GTF2IRD1: variants seen among roughly 807,000 people sequenced by gnomAD.
The protein encoded by GTF2IRD1 is GTF2I repeat domain containing 1.
Under a neutral mutation model 113.2 loss-of-function variants are expected in GTF2IRD1, and 26 were observed. That is an observed-to-expected ratio of 0.23 (90% CI 0.17 to 0.32). The LOEUF (loss-of-function observed/expected upper bound fraction) is 0.32, where lower values mean the gene tolerates loss of function less well. Ranked by LOEUF, GTF2IRD1 falls within the 10% of genes least tolerant of loss-of-function variation. GTF2IRD1 has a pLI of 1.00. For missense variants in GTF2IRD1, 864 were observed against 1,280.8 expected (o/e 0.67, Z 4.97); for synonymous variants, 484 against 529.1 (o/e 0.91, Z 1.17).
intron 3 of GTF2IRD1, 52 bp from the exon 4 acceptor site, chr7:74,515,389 C>T (rs1339115855): frequency 3.9e-6 from 6 of 1,549,010 alleles, no homozygotes; most frequent in East Asian, 2.4e-5. Flanking sequence ...GCTCGAAGGC[C>T]GGGTGGTGAG....
intron 25 of GTF2IRD1, among the ~76,000 whole-genome samples, chr7:74,600,419 A>G (rs587770954): frequency 6.6e-6 from 1 of 152,160 alleles, no homozygotes; most frequent in Non-Finnish European, 1.5e-5. Flanking sequence ...ACCCTAAAAA[A>G]CAATATAGGC....
At chr7:74,492,263 C>T (rs558149852) in intron 1 of GTF2IRD1, among the ~76,000 whole-genome samples, 5 of 151,216 alleles carry the variant, frequency 3.3e-5, no homozygotes, top group South Asian at 2.1e-4. Flanking sequence ...CTCTGCCTCC[C>T]GGGTTCACGC....
At chr7:74,541,231 C>T (rs1798619352) in intron 14 of GTF2IRD1, among the ~76,000 whole-genome samples, 1 of 152,052 alleles carries the variant, frequency 6.6e-6, no homozygotes, top group South Asian at 2.1e-4. Context: ...TGGCTCACGC[C>T]TGTAATTCCA....
At chr7:74,529,668 C>T in intron 8 of GTF2IRD1, 66 bp from the exon 9 acceptor site, 3 of 1,429,804 alleles carry the variant, frequency 2.1e-6, no homozygotes, top group Admixed American at 3.7e-5. Flanking sequence ...GGGACCGCAG[C>T]TCCCGGGTCC....
At chr7:74,491,460 T>A (rs1795339769) in intron 1 of GTF2IRD1, among the ~76,000 whole-genome samples, 1 of 151,866 alleles carries the variant, frequency 6.6e-6, no homozygotes, top group African/African-American at 2.4e-5. Context: ...TTATTTCTTA[T>A]GATCTTCTCC....
chr7:74,528,996 T>C (rs782420480), intron 8 of GTF2IRD1, among the ~76,000 whole-genome samples: 2 of 150,468 alleles, frequency 1.3e-5, no homozygotes. Context: ...GATAGACGGA[T>C]GGATGGATGG....
intron 1 of GTF2IRD1, among the ~76,000 whole-genome samples, chr7:74,463,818 G>T (rs782077570): frequency 4.6e-5 from 7 of 151,970 alleles, no homozygotes; most frequent in Non-Finnish European, 8.8e-5. Context: ...CCGCCTCCCG[G>T]GTTCAGTTGA....
At chr7:74,454,213 C>A (rs1792789333) in intron 1 of GTF2IRD1, 37 bp downstream of exon 1, 1 of 151,498 alleles carries the variant, frequency 6.6e-6, no homozygotes, top group East Asian at 2.0e-4. Context: ...GCACCGAGGC[C>A]CTTCTCCCCT....
chr7:74,576,617 CTTTTTTTTTTTTTTTTTTTT>C (rs1165378230), intron 22 of GTF2IRD1, among the ~76,000 whole-genome samples: 5 of 49,350 alleles, frequency 1.0e-4, no homozygotes, highest in Non-Finnish European at 1.4e-4. Flanking sequence ...ATTTCCTTGT[CTTTTTTTTTTTTTTTTTTTT>C]TTTTTTTTTT....
intron 22 of GTF2IRD1, among the ~76,000 whole-genome samples, chr7:74,587,656 C>T (rs1554368257): frequency 6.6e-6 from 1 of 152,064 alleles, no homozygotes. Flanking sequence ...TGCAAACCAC[C>T]CTTCCTGCAA....
chr7:74,543,071 C>T (rs56111519), intron 14 of GTF2IRD1, among the ~76,000 whole-genome samples: 29,277 of 150,174 alleles, frequency 0.19, 2,964 homozygotes, highest in Middle Eastern at 0.23. Context: ...TTTGGGAGGC[C>T]GAGGCGGGAT....
intron 22 of GTF2IRD1, among the ~76,000 whole-genome samples, chr7:74,560,532 AATATT>A (rs1799887486): frequency 6.8e-6 from 1 of 147,192 alleles, no homozygotes; most frequent in Non-Finnish European, 1.5e-5. Flanking sequence ...ATATAATTAA[AATATT>A]ATATATAATT....
At chr7:74,573,491 T>C (rs2130882649) in intron 22 of GTF2IRD1, among the ~76,000 whole-genome samples, 1 of 151,542 alleles carries the variant, frequency 6.6e-6, no homozygotes, top group South Asian at 2.1e-4. Flanking sequence ...TAGAGTCTTT[T>C]GCAACATCCC....
chr7:74,535,393 G>A (rs1419346691), intron 10 of GTF2IRD1, among the ~76,000 whole-genome samples: 1 of 152,200 alleles, frequency 6.6e-6, no homozygotes, highest in Non-Finnish European at 1.5e-5. Context: ...ACCGGTGCCA[G>A]GTTGGTGAAC....
In GTF2IRD1 at chr7:74,555,099, G is replaced by A; in HGVS notation, c.1917-75G>A. ...CCATTGCAGGGCTGTGTAGACTGAGGCCCAGAGAGGAGGGCTGAGCAGTCC... is the reference window on the plus strand; with the variant it reads ...CCATTGCAGGGCTGTGTAGACTGAGACCCAGAGAGGAGGGCTGAGCAGTCC... On this transcript the variant is annotated intron_variant, in intron 17 of 26. Coordinates refer to ENST00000424337, the MANE Select transcript of GTF2IRD1 (RefSeq NM_005685.4). This position sits in a 1 kb window ranked among gnomAD's most constrained non-coding sequence, Gnocchi z 5.3. The A allele has an allele frequency of 1.5e-6, 2 of 1,365,730 alleles. No individual in the cohort carries two copies. Among genetic ancestry groups the A allele is most frequent in the Non-Finnish European group, 1.0e-6 (1 of 969,428 alleles). 84.6% of individuals were successfully genotyped at this position (1,365,730 alleles called of 1,614,324 possible).
In GTF2IRD1 at chr7:74,521,220, C is replaced by T. The variant is rs587619221; in HGVS notation, c.929C>T (p.Thr310Ile). Residue 310 changes from threonine to isoleucine, a missense_variant, in exon 7 of 27, where the codon ACT becomes ATT. Transcript: ENST00000424337. ...CTCCCTTGTCCAGGACAGAAGCCCA[C>T]TGGGCCTGGTGGGCCTCTCATCCAG... is the stretch of plus-strand genomic sequence containing the variant. Reference protein sequence around the residue: ...DFSDCCGQKPTGPGGPLIQNV... With the variant: ...DFSDCCGQKPIGPGGPLIQNV... 5.6e-5 allele frequency: 90 copies of T among 1,601,598 alleles called. 1 individual carries two copies. In the South Asian group the frequency reaches 9.6e-4, roughly 17 times the overall value.
chr7:74,496,653 T>G (rs908527976), intron 1 of GTF2IRD1, among the ~76,000 whole-genome samples: 4 of 151,314 alleles, frequency 2.6e-5, no homozygotes, highest in Admixed American at 6.6e-5. Flanking sequence ...TGCGTGTGGG[T>G]GTGTGTGTGA....
At chr7:74,527,346 G>T (rs192704661) in intron 8 of GTF2IRD1, among the ~76,000 whole-genome samples, 2 of 152,246 alleles carry the variant, frequency 1.3e-5, no homozygotes, top group East Asian at 3.9e-4. Context: ...AAAGTAAATA[G>T]CTGGGCATGG....
At chr7:74,493,709 C>T (rs556483220) in intron 1 of GTF2IRD1, among the ~76,000 whole-genome samples, 8 of 152,064 alleles carry the variant, frequency 5.3e-5, no homozygotes, top group Admixed American at 5.2e-4. Context: ...CGGCTCTGTC[C>T]CCTCTGAGGG....
Sources: allele counts gnomAD v4.1 joint callset (sites outside exome capture counted in the v4.1 genomes callset), GRCh38; gene constraint gnomAD v4.1.1; non-coding constraint Gnocchi (gnomAD v3.1); transcripts MANE v1.5; gene names NCBI Gene and HGNC (gene_info 2026-07-23, HGNC 2026-07-21).